RANBP17: variants seen among roughly 807,000 people sequenced by gnomAD.
RANBP17 encodes the protein RAN binding protein 17.
A neutral mutation model predicts 141.2 loss-of-function variants in RANBP17; 158 were observed. That is an observed-to-expected ratio of 1.12 (90% confidence interval 0.98 to 1.28). The LOEUF (loss-of-function observed/expected upper bound fraction) is 1.28, where lower values mean the gene tolerates loss of function less well. Among genes scored for constraint, RANBP17 ranks in the 50% most tolerant of loss-of-function variants. The pLI is 0.00. For synonymous variants in RANBP17, 430 were observed against 450.0 expected (o/e 0.96, Z 0.56); for missense variants, 1,438 against 1,290.7 (o/e 1.11, Z -1.75).
At chr5:170,979,662 C>A (rs866002398) in intron 14 of RANBP17, among the ~76,000 whole-genome samples, 2 of 152,320 alleles carry the variant, frequency 1.3e-5, no homozygotes, top group Middle Eastern at 3.4e-3. Context: ...CTGCTGCCAT[C>A]CATGTAAGAT....
intron 5 of RANBP17, chr5:170,904,056 C>T: frequency 2.1e-6 from 1 of 465,482 alleles, no homozygotes; most frequent in South Asian, 1.9e-5. Flanking sequence ...AGACCCTAAA[C>T]ATAGTCTTTA....
intron 14 of RANBP17, among the ~76,000 whole-genome samples, chr5:171,126,284 A>G (rs1396108073): frequency 6.6e-6 from 1 of 152,170 alleles, no homozygotes; most frequent in African/African-American, 2.4e-5. Flanking sequence ...TGAAAATGGA[A>G]ACAAAACATA....
chr5:171,234,253 G>C (rs546365012), intron 22 of RANBP17, among the ~76,000 whole-genome samples: 1 of 152,138 alleles, frequency 6.6e-6, no homozygotes, highest in Non-Finnish European at 1.5e-5. Flanking sequence ...GTCTTAAGGC[G>C]GGAGTGTATC....
intron 14 of RANBP17, among the ~76,000 whole-genome samples, chr5:171,023,158 A>C (rs922693555): frequency 2.6e-5 from 4 of 152,164 alleles, no homozygotes; most frequent in African/African-American, 7.2e-5. Context: ...AAGGATTCAC[A>C]TGCCTATTAT....
At chr5:171,004,950 C>T (rs1482919712) in intron 14 of RANBP17, among the ~76,000 whole-genome samples, 4 of 152,106 alleles carry the variant, frequency 2.6e-5, no homozygotes, top group African/African-American at 9.7e-5. Flanking sequence ...GGTTTTCCTA[C>T]AGCGGAGGCA....
chr5:171,040,649 A>G (rs1238289232), intron 14 of RANBP17, among the ~76,000 whole-genome samples: 2 of 152,134 alleles, frequency 1.3e-5, no homozygotes, highest in African/African-American at 4.8e-5. Flanking sequence ...TCCCAGGGAG[A>G]AGATGGAGCA....
rs143975930 is a variant in RANBP17, at chr5:171,038,984, G to A, written c.1710+70607G>A. ...TCTTTATCCATTCCACCATTTATGG[G>A]CACCTAGATTAATTCTATGTCTTTG... On this transcript the variant is annotated intron_variant, in intron 14 of 27. Transcript: ENST00000523189. 3.3e-3 allele frequency among the ~76,000 whole-genome samples: 496 copies of A among 152,082 alleles called. 4 individuals are homozygous for A. The highest frequency in any genetic ancestry group is 9.9e-3 in the African/African-American group (409 of 41,500).
Position 170,910,909 on chromosome 5 carries a change from T to A in RANBP17, c.595-60T>A. 3.4e-6 allele frequency: 5 copies of A among 1,482,328 alleles called. No individual in the cohort carries two copies. In the South Asian group the frequency reaches 5.9e-5, roughly 18 times the overall value. The allele number at this position is 1,482,328 out of a possible 1,614,324, so 91.8% of individuals were successfully genotyped here. On this transcript the variant is annotated intron_variant, in intron 6 of 27. Transcript: ENST00000523189. The stretch of plus-strand genomic sequence containing the variant: ...GACATTGAAAAATTATTTTAATTCA[T>A]GAAGTGTAAATTTATTGATGTATTT...
chr5:170,975,255 G>C (rs1466546640), intron 14 of RANBP17, among the ~76,000 whole-genome samples: 1 of 152,204 alleles, frequency 6.6e-6, no homozygotes, highest in Non-Finnish European at 1.5e-5. Context: ...CCAGCTGGGC[G>C]TGGTGGCTCA....
At chr5:170,942,206 C>T (rs1167672371) in intron 12 of RANBP17, among the ~76,000 whole-genome samples, 3 of 152,100 alleles carry the variant, frequency 2.0e-5, no homozygotes, top group Non-Finnish European at 4.4e-5. Flanking sequence ...CCATCACCTC[C>T]CCTTCCTCCC....
intron 25 of RANBP17, among the ~76,000 whole-genome samples, chr5:171,279,198 C>G (rs1767703149): frequency 6.6e-6 from 1 of 152,180 alleles, no homozygotes; most frequent in Non-Finnish European, 1.5e-5. Context: ...TGGCCCCAAA[C>G]TGACTTTTTT....
chr5:170,900,345 G>C (rs531359073), intron 5 of RANBP17, among the ~76,000 whole-genome samples: 87 of 152,110 alleles, frequency 5.7e-4, no homozygotes, highest in African/African-American at 2.1e-3. Flanking sequence ...ATTTCCGTGG[G>C]GTCAGTGGTG....
chr5:171,166,383 A>G (rs1759699109), intron 14 of RANBP17, among the ~76,000 whole-genome samples: 1 of 151,560 alleles, frequency 6.6e-6, no homozygotes, highest in South Asian at 2.1e-4. Context: ...TTATCTTAAT[A>G]CATTCTGAAA....
At chr5:171,029,041 G>A (rs561112226) in intron 14 of RANBP17, 2 of 772,822 alleles carry the variant, frequency 2.6e-6, no homozygotes, top group African/African-American at 1.8e-5. Context: ...GGTCAGGTAA[G>A]TCATACTCAG....
intron 14 of RANBP17, among the ~76,000 whole-genome samples, chr5:171,027,541 A>G (rs1185539287): frequency 3.3e-5 from 5 of 151,986 alleles, no homozygotes; most frequent in Non-Finnish European, 7.4e-5. Context: ...ATCGATTTGT[A>G]TATTTAAAAA....
intron 5 of RANBP17, among the ~76,000 whole-genome samples, chr5:170,900,612 C>T (rs780307299): frequency 6.6e-6 from 1 of 152,002 alleles, no homozygotes; most frequent in African/African-American, 2.4e-5. Flanking sequence ...GCTAGGGTGT[C>T]GATTTGAGGT....
intron 25 of RANBP17, among the ~76,000 whole-genome samples, chr5:171,285,879 A>G (rs1768144621): frequency 6.6e-6 from 1 of 152,238 alleles, no homozygotes; most frequent in Non-Finnish European, 1.5e-5. Context: ...GAATAGACAC[A>G]TTACATGCAG....
chr5:170,999,741 AG>A (rs1779072456), intron 14 of RANBP17, among the ~76,000 whole-genome samples: 1 of 152,112 alleles, frequency 6.6e-6, no homozygotes. Context: ...TATTGTGGTA[AG>A]AAATATACAA....
chr5:171,054,779 T>C (rs1783229175), intron 14 of RANBP17, among the ~76,000 whole-genome samples: 1 of 152,160 alleles, frequency 6.6e-6, no homozygotes, highest in African/African-American at 2.4e-5. Context: ...CTGTGACGTG[T>C]TTCCCCCCTC....
Sources: gnomAD v4.1 joint callset for allele counts (sites outside exome capture counted in the v4.1 genomes callset) on GRCh38, gnomAD v4.1.1 for gene constraint, MANE v1.5 for transcripts, NCBI Gene and HGNC (gene_info 2026-07-23, HGNC 2026-07-21) for gene names.